RPS6KA2: variants seen among roughly 807,000 people sequenced by gnomAD.
RPS6KA2 encodes ribosomal protein S6 kinase alpha-2.
Under a neutral mutation model 91.8 loss-of-function variants are expected in RPS6KA2, and 42 were observed. That is an observed-to-expected ratio of 0.46 (90% CI 0.36 to 0.59). The LOEUF is 0.59. RPS6KA2 is among the 20% of genes least tolerant of loss of function. The pLI is 0.00. For synonymous variants in RPS6KA2, 414 were observed against 393.6 expected (o/e 1.05, Z -0.61); for missense variants, 798 against 978.5 (o/e 0.82, Z 2.46).
At chr6:166,538,547 G>C in intron 2 of RPS6KA2, 121 bp downstream of exon 2, 4 of 641,216 alleles carry the variant, frequency 6.2e-6, no homozygotes, top group Non-Finnish European at 1.2e-5. Flanking sequence ...GAACTGTCCA[G>C]GTTCCCGTGA....
At chr6:166,534,221 C>CAAAAAAAAAAAAAA (rs34585369) in intron 2 of RPS6KA2, among the ~76,000 whole-genome samples, 18 of 59,344 alleles carry the variant, frequency 3.0e-4, no homozygotes, top group African/African-American at 1.2e-3. Context: ...GACTCTGTCT[C>CAAAAAAAAAAAAAA]AAAAAAAAAA....
intron 1 of RPS6KA2, among the ~76,000 whole-genome samples, chr6:166,590,659 T>C (rs1320958753): frequency 6.6e-6 from 1 of 152,184 alleles, no homozygotes; most frequent in Non-Finnish European, 1.5e-5. Flanking sequence ...AGCACGTCTA[T>C]GTTAATGGGC....
intron 12 of RPS6KA2, among the ~76,000 whole-genome samples, chr6:166,453,061 T>G (rs1026473050): frequency 1.3e-5 from 2 of 151,904 alleles, no homozygotes; most frequent in Admixed American, 6.6e-5. Context: ...ATTAGCCAGG[T>G]GTGGTGGTGT....
chr6:166,779,577 C>T (rs1428979263), intron 2 of RPS6KA2, among the ~76,000 whole-genome samples: 18 of 152,152 alleles, frequency 1.2e-4, no homozygotes, highest in African/African-American at 3.9e-4. Context: ...ACCCATGTGC[C>T]GGAGCCGCTC....
intron 10 of RPS6KA2, among the ~76,000 whole-genome samples, chr6:166,478,920 G>T (rs909664531): frequency 6.6e-6 from 1 of 152,250 alleles, no homozygotes; most frequent in South Asian, 2.1e-4. Flanking sequence ...AGCAAGCACA[G>T]AGAGGTGAAG....
intron 1 of RPS6KA2, among the ~76,000 whole-genome samples, chr6:166,592,793 C>T (rs1785400070): frequency 6.6e-6 from 1 of 152,218 alleles, no homozygotes; most frequent in East Asian, 1.9e-4. Context: ...ACTCAAAGAA[C>T]AGGCCTTCGG....
intron 2 of RPS6KA2, among the ~76,000 whole-genome samples, chr6:166,787,508 A>T (rs1328948438): frequency 6.6e-6 from 1 of 152,198 alleles, no homozygotes; most frequent in Non-Finnish European, 1.5e-5. Context: ...TCCAAAAAAA[A>T]AGGTCACAGT....
intron 10 of RPS6KA2, 73 bp from the exon 11 acceptor site, chr6:166,469,978 T>C: frequency 7.4e-7 from 1 of 1,351,672 alleles, no homozygotes; most frequent in Non-Finnish European, 1.1e-6. Flanking sequence ...AATGCAGCAG[T>C]GTGGAGGGTG....
At chr6:166,651,667 T>A (rs1029850626) in intron 2 of RPS6KA2, among the ~76,000 whole-genome samples, 2 of 152,246 alleles carry the variant, frequency 1.3e-5, no homozygotes, top group Non-Finnish European at 2.9e-5. Flanking sequence ...TAATCTTGTT[T>A]AGAATCCTTA....
At chr6:166,551,848 G>A (rs1448399476) in intron 1 of RPS6KA2, among the ~76,000 whole-genome samples, 5 of 152,212 alleles carry the variant, frequency 3.3e-5, no homozygotes, top group African/African-American at 4.8e-5. Flanking sequence ...CTGCTGAAAT[G>A]CAAACATGCG....
At chr6:166,429,884 C>G (rs1398218561) in intron 16 of RPS6KA2, among the ~76,000 whole-genome samples, 1 of 151,996 alleles carries the variant, frequency 6.6e-6, no homozygotes, top group Non-Finnish European at 1.5e-5. Flanking sequence ...TCTTGTTAAC[C>G]TGTCTTTGGC....
At chr6:166,672,834 A>G (rs1283825139) in intron 2 of RPS6KA2, among the ~76,000 whole-genome samples, 8 of 152,164 alleles carry the variant, frequency 5.3e-5, no homozygotes, top group Non-Finnish European at 1.2e-4. Context: ...TTGCCTCTCC[A>G]AAGGGAAGGA....
intron 2 of RPS6KA2, among the ~76,000 whole-genome samples, chr6:166,760,743 G>A (rs192695218): frequency 6.6e-6 from 1 of 152,252 alleles, no homozygotes; most frequent in African/African-American, 2.4e-5. Flanking sequence ...GGGGAAAGAA[G>A]AATCGGATGG....
At chr6:166,862,344 C>G (rs1054921304) in exon 1 of RPS6KA2, 2 of 1,455,560 alleles carry the variant, frequency 1.4e-6, no homozygotes, top group African/African-American at 1.4e-5. Context: ...AGGTCGTGAG[C>G]GCGGGGCCTG....
intron 16 of RPS6KA2, 65 bp downstream of exon 16, chr6:166,430,388 T>G: frequency 1.4e-6 from 2 of 1,435,174 alleles, no homozygotes; most frequent in Admixed American, 1.9e-5. Context: ...CATAAACCCT[T>G]GTGGTTTTGG....
At chr6:166,765,963 G>A (rs551772915) in intron 2 of RPS6KA2, among the ~76,000 whole-genome samples, 59 of 152,276 alleles carry the variant, frequency 3.9e-4, no homozygotes, top group African/African-American at 1.1e-3. Flanking sequence ...AACACTTCCC[G>A]CTTTCTAGTT....
chr6:166,471,696 G>A (rs1780774735), intron 10 of RPS6KA2, among the ~76,000 whole-genome samples: 1 of 152,240 alleles, frequency 6.6e-6, no homozygotes, highest in African/African-American at 2.4e-5. Context: ...AGGACACTGA[G>A]GCTGACACAG....
At chr6:166,501,546 C>T (rs752984542) in intron 6 of RPS6KA2, among the ~76,000 whole-genome samples, 1 of 152,218 alleles carries the variant, frequency 6.6e-6, no homozygotes. Flanking sequence ...CTGCCAAGCC[C>T]TTGTCACGCC....
chr6:166,670,700 A>G (rs12196837), intron 2 of RPS6KA2, among the ~76,000 whole-genome samples: 45,612 of 152,048 alleles, frequency 0.3, 7,045 homozygotes, highest in African/African-American at 0.37. Context: ...CTTTGTATTC[A>G]CAATTTTGAT....
Sources: gnomAD v4.1 joint callset for allele counts (sites outside exome capture counted in the v4.1 genomes callset) on GRCh38, gnomAD v4.1.1 for gene constraint, MANE v1.5 for transcripts, NCBI Gene and HGNC (gene_info 2026-07-23, HGNC 2026-07-21) for gene names.